The following DMD variants were observed in gnomAD, a reference collection of about 807,000 sequenced individuals.
DMD encodes the protein mutant dystrophin.
DMD carries 63 observed loss-of-function variants against 330.1 expected under a neutral mutation model. That is an observed-to-expected ratio of 0.19 (90% CI 0.16 to 0.24). DMD has a LOEUF of 0.24. Among genes scored for constraint, DMD ranks in the 10% least tolerant of loss-of-function variants. The probability of loss-of-function intolerance (pLI) is 1.00; values close to 1 mark genes in which losing one functional copy is unlikely to be tolerated. For synonymous variants in DMD, 1,223 were observed against 959.8 expected, an observed-to-expected ratio of 1.27 and a Z score of -5.07; for missense variants, 3,344 against 2,684.1, an observed-to-expected ratio of 1.25 and a Z score of -5.43.
At chrX:32,565,050 T>C (rs1320563112) in intron 16 of DMD, among the ~76,000 whole-genome samples, 3 of 111,640 alleles carry the variant, frequency 2.7e-5, no homozygotes, top group Admixed American at 9.6e-5. Flanking sequence ...GGTTCAACTT[T>C]TAACGATACC....
chrX:32,512,308 A>G (rs1291592546), intron 18 of DMD, among the ~76,000 whole-genome samples: 2 of 112,179 alleles, frequency 1.8e-5, no homozygotes, highest in East Asian at 5.6e-4. Flanking sequence ...CGACATTAGA[A>G]GTAATTAAGA....
Position 32,714,086 on chromosome X carries a change from G to A in DMD, c.650-14793C>T, listed in dbSNP as rs374349999. 1.1e-4 allele frequency among the ~76,000 whole-genome samples: 12 copies of A among 111,588 alleles called. No individual in the cohort carries two copies. In the South Asian group the frequency reaches 4.5e-3, roughly 42 times the overall value. ...ACTCAAAGTACGGTTTCTACTGAACGCACACTGCTTTCACACCATCATAAA... is the reference window on the plus strand; with the variant it reads ...ACTCAAAGTACGGTTTCTACTGAACACACACTGCTTTCACACCATCATAAA... On this transcript the variant is annotated intron_variant, in intron 7 of 78. Coordinates refer to ENST00000357033, the MANE Select transcript of DMD (RefSeq NM_004006.3).
In DMD at chrX:32,694,983, T is replaced by A. The variant is rs777433251; in HGVS notation, c.960+2887A>T. Among the ~76,000 whole-genome samples the A allele has an allele frequency of 3.6e-5, 4 of 111,990 alleles. No individual in the cohort carries two copies. In the South Asian group the frequency reaches 1.1e-3, roughly 31 times the overall value. The stretch of plus-strand genomic sequence containing the variant: ...CCATTTATTAAATGAGTTAAAAACG[T>A]ATGGCATGAGGGAAGACAGCAGGAG... On this transcript the variant is annotated intron_variant, in intron 9 of 78. Transcript: ENST00000357033.
At chrX:32,918,443 C>T (rs1436178650) in intron 2 of DMD, among the ~76,000 whole-genome samples, 27 of 111,058 alleles carry the variant, frequency 2.4e-4, no homozygotes, top group East Asian at 2.8e-4. Context: ...CTCTGCCTCC[C>T]GCCTCAAGTG....
intron 59 of DMD, among the ~76,000 whole-genome samples, chrX:31,446,048 C>CACTG (rs1327579084): frequency 8.9e-6 from 1 of 111,743 alleles, no homozygotes; most frequent in African/African-American, 3.3e-5. Context: ...CCATTGGTTA[C>CACTG]ACTGACCTCA....
chrX:33,320,662 A>G (rs1467352400), intron 1 of DMD, among the ~76,000 whole-genome samples: 3 of 112,092 alleles, frequency 2.7e-5, no homozygotes, highest in Admixed American at 9.5e-5. Flanking sequence ...ACTTTGTAAA[A>G]TAAGACAACA....
At chrX:31,807,939 A>C (rs1282896017) in intron 50 of DMD, among the ~76,000 whole-genome samples, 2 of 111,536 alleles carry the variant, frequency 1.8e-5, no homozygotes, top group Non-Finnish European at 3.8e-5. Context: ...TTTTTGGATA[A>C]CCATTCTCTC....
At chrX:31,499,811 G>C (rs2147103973) in intron 56 of DMD, among the ~76,000 whole-genome samples, 1 of 111,874 alleles carries the variant, frequency 8.9e-6, no homozygotes, top group East Asian at 2.8e-4. Flanking sequence ...AGTTCTAAAG[G>C]ATCTAAGAGA....
chrX:33,319,036 T>C (rs1388612446), intron 1 of DMD, among the ~76,000 whole-genome samples: 1 of 109,505 alleles, frequency 9.1e-6, no homozygotes, highest in Non-Finnish European at 1.9e-5. Context: ...TTAGTACCCT[T>C]ATAAAAGAGA....
chrX:32,904,997 G>A (rs2086616943), intron 2 of DMD, among the ~76,000 whole-genome samples: 2 of 112,308 alleles, frequency 1.8e-5, no homozygotes, highest in African/African-American at 3.2e-5. Flanking sequence ...TTAACATTGT[G>A]TTGTTGTATG....
At chrX:32,791,409 G>T (rs746051064) in intron 7 of DMD, among the ~76,000 whole-genome samples, 1 of 111,613 alleles carries the variant, frequency 9.0e-6, no homozygotes, top group Non-Finnish European at 1.9e-5. Flanking sequence ...GGACAGGCAC[G>T]CTCAACCAAC....
rs773183927 is a variant in DMD, at chrX:32,518,148, TAA to T, written c.2169-19_2169-18del. ...ACATCCAACCTAAGACAGCAAAAAATAAAAGTCATTATTTCTTGATTATCTCT... is the reference window on the plus strand; with the variant it reads ...ACATCCAACCTAAGACAGCAAAAAATAAGTCATTATTTCTTGATTATCTCT... On this transcript the variant is annotated intron_variant, in intron 17 of 78. Coordinates refer to ENST00000357033, the MANE Select transcript of DMD (RefSeq NM_004006.3). 1.2e-4 allele frequency: 145 copies of T among 1,193,955 alleles called. No individual in the cohort carries two copies. The African/African-American group carries it at 2.3e-3, about 19-fold the overall frequency.
chrX:32,641,862 T>A (rs182161021), intron 11 of DMD, among the ~76,000 whole-genome samples: 153 of 111,009 alleles, frequency 1.4e-3, no homozygotes, highest in African/African-American at 4.7e-3. Flanking sequence ...AATCTTCTAC[T>A]CTGAAGTAAT....
chrX:32,340,491 TTAAG>T (rs952456018), intron 41 of DMD, among the ~76,000 whole-genome samples: 6 of 111,530 alleles, frequency 5.4e-5, no homozygotes, highest in African/African-American at 2.0e-4. Context: ...TAATGGCATT[TTAAG>T]TAAGTGGTTT....
intron 63 of DMD, among the ~76,000 whole-genome samples, chrX:31,241,331 G>A (rs1019277138): frequency 2.7e-5 from 3 of 111,412 alleles, no homozygotes; most frequent in Non-Finnish European, 5.6e-5. Context: ...TATTTTCTCT[G>A]AGCCTCATCT....
intron 16 of DMD, among the ~76,000 whole-genome samples, chrX:32,545,661 T>A (rs2048898593): frequency 9.0e-6 from 1 of 111,598 alleles, no homozygotes; most frequent in Non-Finnish European, 1.9e-5. Context: ...TTCTACATGC[T>A]GTTTAAAATG....
At chrX:32,610,726 G>A (rs747685312) in intron 12 of DMD, among the ~76,000 whole-genome samples, 3 of 111,018 alleles carry the variant, frequency 2.7e-5, no homozygotes, top group Non-Finnish European at 5.7e-5. Flanking sequence ...AGGATTTAAT[G>A]TCTATCTACA....
chrX:33,081,305 G>A (rs140779628), intron 1 of DMD, among the ~76,000 whole-genome samples: 3,519 of 111,219 alleles, frequency 0.032, 137 homozygotes, highest in African/African-American at 0.11. Flanking sequence ...ACGGAGTCTC[G>A]CTCTGTCACC....
intron 15 of DMD, among the ~76,000 whole-genome samples, chrX:32,572,826 C>G (rs141215711): frequency 0.046 from 5,082 of 110,939 alleles, 119 homozygotes; most frequent in African/African-American, 0.08. Flanking sequence ...GGGCGGATGT[C>G]TCATGAATGG....
Sources: gnomAD v4.1 joint callset for allele counts (sites outside exome capture counted in the v4.1 genomes callset) on GRCh38, gnomAD v4.1.1 for gene constraint, MANE v1.5 for transcripts, NCBI Gene and HGNC (gene_info 2026-07-23, HGNC 2026-07-21) for gene names.